The following TP53BP1 variants were observed in gnomAD, a reference collection of about 807,000 sequenced individuals.
The protein encoded by TP53BP1 is TP53-binding protein 1.
A neutral mutation model predicts 200.8 loss-of-function variants in TP53BP1; 61 were observed. The observed-to-expected ratio is 0.30, with a 90% CI of 0.25 to 0.38. The LOEUF (loss-of-function observed/expected upper bound fraction) is 0.38. Ranked by LOEUF, TP53BP1 falls within the 10% of genes least tolerant of loss-of-function variation. The probability of loss-of-function intolerance (pLI) is 1.00; values close to 1 mark genes in which losing one functional copy is unlikely to be tolerated. For missense variants in TP53BP1, 2,144 were observed against 2,371.9 expected (o/e 0.90, Z 2.00); for synonymous variants, 822 against 844.3 (o/e 0.97, Z 0.46).
At chr15:43,482,333 C>T (rs962409841) in intron 4 of TP53BP1, among the ~76,000 whole-genome samples, 5 of 152,028 alleles carry the variant, frequency 3.3e-5, no homozygotes, top group African/African-American at 7.3e-5. Context: ...CATATATCAC[C>T]GTTAAAAATG....
Position 43,493,153 on chromosome 15 carries a change from A to T in TP53BP1, c.-110T>A. 7 of 1,557,150 alleles carry T rather than the reference A, an allele frequency of 4.5e-6. No homozygotes were observed. Among genetic ancestry groups the T allele is most frequent in the Non-Finnish European group, 6.0e-6 (7 of 1,157,828 alleles). ...TCGCCACCGCCGCCACCGGCCGCGA[A>T]CTCCCCCTTTCCCGTCACGTCACAC... is the stretch of plus-strand genomic sequence containing the variant. On this transcript the variant is annotated 5_prime_UTR_variant, in exon 1 of 28. Coordinates refer to ENST00000382044, the MANE Select transcript of TP53BP1 (RefSeq NM_001141980.3).
rs45539336 is a variant in TP53BP1 at position 43,410,388 on chromosome 15, C to A, written c.5306-647G>T. 1.3e-4 allele frequency among the ~76,000 whole-genome samples: 20 copies of A among 152,190 alleles called. No homozygotes were observed. In the East Asian group the frequency reaches 3.3e-3, roughly 25 times the overall value. On this transcript the variant is annotated intron_variant, in intron 24 of 27. Coordinates refer to ENST00000382044, the MANE Select transcript of TP53BP1 (RefSeq NM_001141980.3). ...GATGATCTTGAAGTACCTCAGGACA[C>A]TGAACACCAATGACTGCTCTATAGT... is the stretch of plus-strand genomic sequence containing the variant.
At position 43,403,066 on chromosome 15, in the gene TP53BP1, AT is replaced by A. The variant is rs2044723183; in HGVS notation, c.*4316del. 1 of 152,206 alleles carries A rather than the reference AT, an allele frequency of 6.6e-6. No homozygotes were observed. Among genetic ancestry groups the A allele is most frequent in the African/African-American group, 2.4e-5 (1 of 41,434 alleles). 9.4% of individuals were successfully genotyped at this position (152,206 alleles called of 1,614,324 possible). A position where few individuals can be genotyped will look rare whatever the true frequency, so the allele number is the denominator to read the frequency against. On this transcript the variant is annotated 3_prime_UTR_variant, in exon 28 of 28. Transcript: ENST00000382044. ...AAGCAGAATAACAGAGCAGGTCATCATCATTAAATATTTATTGAGTGCTTAC... is the reference window on the plus strand; with the variant it reads ...AAGCAGAATAACAGAGCAGGTCATCACATTAAATATTTATTGAGTGCTTAC...
In TP53BP1 at chr15:43,405,317, T is replaced by G; in HGVS notation, c.*2066A>C. 1 of 1,342,826 alleles carries G rather than the reference T, an allele frequency of 7.4e-7. No individual in the cohort carries two copies. The highest frequency in any genetic ancestry group is 1.2e-5 in the South Asian group (1 of 83,404). 83.2% of individuals were successfully genotyped at this position (1,342,826 alleles called of 1,614,324 possible). A position where few individuals can be genotyped will look rare whatever the true frequency, so the allele number is the denominator to read the frequency against. On this transcript the variant is annotated 3_prime_UTR_variant, in exon 28 of 28. Transcript: ENST00000382044. The stretch of plus-strand genomic sequence containing the variant: ...CCACACACAAATAAATATCTGCGGC[T>G]TAGTGATAGGACTCTACCTTTTCTC...
chr15:43,492,183 C>T (rs1487256040), intron 2 of TP53BP1, 88 bp from the exon 3 acceptor site: 1 of 1,506,572 alleles, frequency 6.6e-7, no homozygotes, highest in Non-Finnish European at 9.2e-7. Flanking sequence ...TTCCAATCAA[C>T]TTTATTGAGA....
chr15:43,494,261 C>G (rs1315406294), upstream of TP53BP1, among the ~76,000 whole-genome samples: 3 of 152,192 alleles, frequency 2.0e-5, no homozygotes, highest in African/African-American at 7.2e-5. Flanking sequence ...TATTTCGGCA[C>G]AGCCCAACCA....
chr15:43,415,848 T>A (rs1189674930), intron 22 of TP53BP1, 39 bp from the exon 23 acceptor site: 1 of 1,561,168 alleles, frequency 6.4e-7, no homozygotes, highest in Non-Finnish European at 8.8e-7. Flanking sequence ...TCAAACTCTA[T>A]GGTATGAGGC....
At chr15:43,423,681 G>T (rs571322645) in intron 18 of TP53BP1, among the ~76,000 whole-genome samples, 10 of 151,684 alleles carry the variant, frequency 6.6e-5, no homozygotes, top group Non-Finnish European at 1.3e-4. Flanking sequence ...AATCCCCATG[G>T]GGAGACTGTA....
At chr15:43,500,338 TG>T (rs1250944622) in intron 1 of TP53BP1, among the ~76,000 whole-genome samples, 1 of 152,218 alleles carries the variant, frequency 6.6e-6, no homozygotes, top group African/African-American at 2.4e-5. Context: ...TTAAAAGCTA[TG>T]TACTTATATA....
At chr15:43,463,363 C>A (rs2046484859) in intron 11 of TP53BP1, among the ~76,000 whole-genome samples, 1 of 152,192 alleles carries the variant, frequency 6.6e-6, no homozygotes, top group African/African-American at 2.4e-5. Context: ...TAGTACTAAT[C>A]TCTTTACACA....
chr15:43,462,984 G>A (rs2046477082), intron 11 of TP53BP1, among the ~76,000 whole-genome samples: 1 of 152,130 alleles, frequency 6.6e-6, no homozygotes, highest in African/African-American at 2.4e-5. Flanking sequence ...TTGAACTCAG[G>A]AGGAGGAGGT....
At chr15:43,510,276 C>T (rs1427887244) in intron 1 of TP53BP1, 1 of 152,284 alleles carries the variant, frequency 6.6e-6, no homozygotes, top group East Asian at 1.9e-4. Flanking sequence ...CTCAAATCCC[C>T]CTTGCTGCAG....
chr15:43,446,281 A>G, intron 14 of TP53BP1, 106 bp downstream of exon 14: 1 of 894,550 alleles, frequency 1.1e-6, no homozygotes, highest in Non-Finnish European at 1.7e-6. Context: ...AGACTTTACA[A>G]ATACATTTAT....
intron 17 of TP53BP1, among the ~76,000 whole-genome samples, chr15:43,429,444 T>A (rs1428565044): frequency 1.3e-5 from 2 of 152,198 alleles, no homozygotes; most frequent in Non-Finnish European, 2.9e-5. Context: ...TCTCACCTTA[T>A]CTCCCCTATG....
chr15:43,492,519 C>CAA, intron 1 of TP53BP1, 51 bp from the exon 2 acceptor site: 1 of 1,515,610 alleles, frequency 6.6e-7, no homozygotes, highest in African/African-American at 1.4e-5. Flanking sequence ...TAGCCTTGCT[C>CAA]ACGCAGTCTA....
chr15:43,451,779 G>A (rs1015859326), intron 12 of TP53BP1, among the ~76,000 whole-genome samples: 1 of 152,190 alleles, frequency 6.6e-6, no homozygotes, highest in Non-Finnish European at 1.5e-5. Context: ...CACAATGGTT[G>A]AACTAGTTTA....
At chr15:43,465,167 C>T (rs570204544) in intron 11 of TP53BP1, among the ~76,000 whole-genome samples, 1 of 151,936 alleles carries the variant, frequency 6.6e-6, no homozygotes, top group South Asian at 2.1e-4. Flanking sequence ...TGTCTACTTT[C>T]CATTTGTAGA....
chr15:43,483,235 C>A (rs1474045360), intron 4 of TP53BP1, among the ~76,000 whole-genome samples: 1 of 120,786 alleles, frequency 8.3e-6, no homozygotes, highest in African/African-American at 3.1e-5. Flanking sequence ...AAGTACAGAA[C>A]ACACACACAC....
rs1462060376 is a variant in TP53BP1, at chr15:43,420,309, A to G, written c.4677T>C (p.Ser1559=). 1 of 1,612,588 alleles carries G rather than the reference A, an allele frequency of 6.2e-7. No individual in the cohort carries two copies. Among genetic ancestry groups the G allele is most frequent in the East Asian group, 2.2e-5 (1 of 44,854 alleles). Reference sequence around the variant, plus strand: ...AAACTCTGCTTCTTTCATTACCTGCACTGAAATACTCATCCTCCGAGAGGG... The same window carrying G: ...AAACTCTGCTTCTTTCATTACCTGCGCTGAAATACTCATCCTCCGAGAGGG... The part of the protein sequence containing the change: ...VTALSEDEYF[S]AGVVKGHRKE... The change falls in exon 21 of 28, where the codon AGT becomes AGC. Residue 1559 remains serine (S), a synonymous_variant. Coordinates refer to ENST00000382044, the MANE Select transcript of TP53BP1 (RefSeq NM_001141980.3).
Sources: allele counts gnomAD v4.1 joint callset (sites outside exome capture counted in the v4.1 genomes callset), GRCh38; gene constraint gnomAD v4.1.1; transcripts MANE v1.5; gene names NCBI Gene and HGNC (gene_info 2026-07-23, HGNC 2026-07-21).